The following CCN4 variants were observed in gnomAD, a reference collection of about 807,000 sequenced individuals.
CCN4 encodes the protein CCN family member 4.
In CCN4, 30 loss-of-function variants were observed where a neutral mutation model predicts 36.7. The ratio of observed to expected loss-of-function variants is 0.82; its 90% confidence interval spans 0.61 to 1.11. The LOEUF is 1.11. Among genes scored for constraint, CCN4 ranks in the 50% least tolerant of loss-of-function variants. CCN4 has a pLI of 0.00. For synonymous variants in CCN4, 191 were observed against 195.4 expected (o/e 0.98, Z 0.19); for missense variants, 505 against 504.9 (o/e 1.00, Z 0.00).
chr8:133,193,487 C>T (rs974413917), intron 1 of CCN4, among the ~76,000 whole-genome samples: 40 of 152,152 alleles, frequency 2.6e-4, no homozygotes, highest in African/African-American at 9.4e-4. Context: ...GCAAATATGA[C>T]TTATGCTTTC....
In CCN4 at chr8:133,196,464, G is replaced by A. The variant is rs574232849; in HGVS notation, c.69+5251G>A. 3.9e-5 allele frequency among the ~76,000 whole-genome samples: 6 copies of A among 152,192 alleles called. 1 individual carries two copies. The South Asian group carries it at 6.2e-4, about 16-fold the overall frequency. On this transcript the variant is annotated intron_variant, in intron 1 of 4. Coordinates refer to ENST00000250160, the MANE Select transcript of CCN4 (RefSeq NM_003882.4). The stretch of plus-strand genomic sequence containing the variant: ...TATTCCACTAAACTTCATCTGTTTC[G>A]TATTACTTTTTAATACCGCTACTAG...
chr8:133,207,648 C>T lies in CCN4; in HGVS notation c.70-5216C>T, dbSNP rs139393050. 1.3e-3 allele frequency among the ~76,000 whole-genome samples: 200 copies of T among 152,302 alleles called. 1 individual carries two copies. The highest frequency in any genetic ancestry group is 4.7e-3 in the African/African-American group (196 of 41,556). ...CACTGCTCAGGGGAACATTAGCAGA[C>T]CTGCCTTGTGATTTGTTAGGGGATT... is the stretch of plus-strand genomic sequence containing the variant. On this transcript the variant is annotated intron_variant, in intron 1 of 4. Coordinates refer to ENST00000250160, the MANE Select transcript of CCN4 (RefSeq NM_003882.4).
At chr8:133,221,994 A>G (rs1588204174) in intron 3 of CCN4, among the ~76,000 whole-genome samples, 1 of 151,916 alleles carries the variant, frequency 6.6e-6, no homozygotes. Flanking sequence ...GAATGGATGG[A>G]TGGATGGATG....
chr8:133,194,760 GCC>G (rs1420947914), intron 1 of CCN4, among the ~76,000 whole-genome samples: 93 of 118,398 alleles, frequency 7.9e-4, no homozygotes, highest in Middle Eastern at 5.6e-3. Context: ...TGGGGTATGT[GCC>G]TGGGGTGTGT....
intron 1 of CCN4, among the ~76,000 whole-genome samples, chr8:133,203,215 C>A (rs751211640): frequency 6.6e-6 from 1 of 152,206 alleles, no homozygotes; most frequent in Non-Finnish European, 1.5e-5. Context: ...GGCAACCCGT[C>A]CCTGAGAATC....
chr8:133,218,876 G>T (rs1854420128), intron 2 of CCN4, among the ~76,000 whole-genome samples: 1 of 152,142 alleles, frequency 6.6e-6, no homozygotes, highest in Non-Finnish European at 1.5e-5. Context: ...GAACACTTGA[G>T]TCCACCCAAC....
chr8:133,227,486 C>T lies in CCN4; in HGVS notation c.880C>T (p.Arg294Cys), dbSNP rs758932829. The T allele has an allele frequency of 5.0e-5, 80 of 1,614,096 alleles. No individual in the cohort carries two copies. In the Admixed American group the frequency reaches 7.0e-4, roughly 14 times the overall value. ...CACACTTGCGGGCTGCATCAGCACA[C>T]GCTCCTATCAACCCAAGTACTGTGG... ...NFTLAGCIST[R>C]SYQPKYCGVC... Residue 294 changes from arginine (R) to cysteine (C), a missense_variant, in exon 5 of 5, where the codon CGC becomes TGC. Transcript: ENST00000250160.
At position 133,230,160 on chromosome 8, in the gene CCN4, T is replaced by C. The variant is rs142427022; in HGVS notation, c.*2450T>C. ...GGTGGTCAGAATAACCCAGTCGCCA[T>C]TGGTTTTGAGAAACGGAACTATCTT... On this transcript the variant is annotated 3_prime_UTR_variant, in exon 5 of 5. Coordinates refer to ENST00000250160, the MANE Select transcript of CCN4 (RefSeq NM_003882.4). The C allele has an allele frequency of 6.9e-4, 105 of 152,372 alleles. No homozygotes were observed. The highest frequency in any genetic ancestry group is 2.2e-3 in the African/African-American group (93 of 41,596). 9.4% of individuals were successfully genotyped at this position (152,372 alleles called of 1,614,324 possible).
chr8:133,191,983 G>A (rs1179847260), intron 1 of CCN4, among the ~76,000 whole-genome samples: 5 of 152,180 alleles, frequency 3.3e-5, no homozygotes, highest in Admixed American at 6.5e-5. Context: ...ATATGTGACC[G>A]TGTAGAGCCA....
intron 1 of CCN4, among the ~76,000 whole-genome samples, chr8:133,211,813 TC>T (rs1854049539): frequency 6.6e-6 from 1 of 152,162 alleles, no homozygotes; most frequent in Non-Finnish European, 1.5e-5. Context: ...CTGGCTCCCG[TC>T]CCCGCTCCTG....
intron 2 of CCN4, among the ~76,000 whole-genome samples, chr8:133,220,253 A>G (rs1396270658): frequency 6.6e-6 from 1 of 152,146 alleles, no homozygotes; most frequent in Non-Finnish European, 1.5e-5. Flanking sequence ...GGTCTTTGTC[A>G]GTACCAGGCT....
At position 133,220,628 on chromosome 8, in the gene CCN4, G is replaced by A. The variant is rs758568832; in HGVS notation, c.397G>A (p.Gly133Ser). 4.3e-6 allele frequency: 7 copies of A among 1,614,072 alleles called. No individual in the cohort carries two copies. The African/African-American group carries it at 6.7e-5, about 15-fold the overall frequency. Reference protein sequence around the residue: ...CVLDGVRYNNGQSFQPNCKYN... With the variant: ...CVLDGVRYNNSQSFQPNCKYN... ...CCTGGATGGGGTGCGCTACAACAAC[G>A]GCCAGTCCTTCCAGCCTAACTGCAA... The change falls in exon 3 of 5, where the codon GGC becomes AGC. Residue 133 changes from glycine to serine, a missense_variant. Physicochemically the swap from Gly to Ser is moderately conservative, Grantham distance 56. Transcript: ENST00000250160.
intron 1 of CCN4, among the ~76,000 whole-genome samples, chr8:133,212,264 G>T (rs1854073982): frequency 6.6e-6 from 1 of 152,216 alleles, no homozygotes; most frequent in Non-Finnish European, 1.5e-5. Context: ...TGGGGCCCAT[G>T]TAGCTGCCAG....
At chr8:133,208,696 A>G (rs934514007) in intron 1 of CCN4, among the ~76,000 whole-genome samples, 6 of 151,506 alleles carry the variant, frequency 4.0e-5, no homozygotes, top group African/African-American at 1.2e-4. Context: ...CTGCTTCCTC[A>G]CTGATCTATT....
At chr8:133,223,574 G>A (rs1416271299) in intron 3 of CCN4, among the ~76,000 whole-genome samples, 7 of 151,160 alleles carry the variant, frequency 4.6e-5, no homozygotes, top group African/African-American at 7.3e-5. Context: ...TTATCTTTTT[G>A]CCTCTCTTTC....
Position 133,213,130 on chromosome 8 carries a change from A to C in CCN4, c.336A>C (p.Ile112=). 1 of 1,589,906 alleles carries C rather than the reference A, an allele frequency of 6.3e-7. No individual in the cohort carries two copies. Among genetic ancestry groups the C allele is most frequent in the Non-Finnish European group, 8.5e-7 (1 of 1,169,998 alleles). ...GCGGGGACCGCCCGAGGTACGCAATAGGAGTGTGTGCACGTAAGTGAGTCC... is the reference window on the plus strand; with the variant it reads ...GCGGGGACCGCCCGAGGTACGCAATCGGAGTGTGTGCACGTAAGTGAGTCC... The part of the protein sequence containing the change: ...DYSGDRPRYA[I]GVCAQVVGVG... The change falls in exon 2 of 5, where the codon ATA becomes ATC. Residue 112 remains isoleucine (I), a synonymous_variant. Coordinates refer to ENST00000250160, the MANE Select transcript of CCN4 (RefSeq NM_003882.4).
intron 3 of CCN4, among the ~76,000 whole-genome samples, chr8:133,224,561 G>T (rs1368203307): frequency 1.3e-5 from 2 of 152,088 alleles, no homozygotes; most frequent in Non-Finnish European, 2.9e-5. Context: ...AAAATGTTAG[G>T]TGCTGGCATG....
chr8:133,201,422 A>G (rs1442322809), intron 1 of CCN4, among the ~76,000 whole-genome samples: 2 of 152,218 alleles, frequency 1.3e-5, no homozygotes, highest in African/African-American at 4.8e-5. Flanking sequence ...AATTGTAACT[A>G]ATTTATTGGT....
intron 1 of CCN4, among the ~76,000 whole-genome samples, chr8:133,205,020 G>A (rs1853718630): frequency 6.6e-6 from 1 of 152,236 alleles, no homozygotes; most frequent in Non-Finnish European, 1.5e-5. Flanking sequence ...GTACTTTGCA[G>A]TAAAGTTTGG....
Sources: allele counts gnomAD v4.1 joint callset (sites outside exome capture counted in the v4.1 genomes callset), GRCh38; gene constraint gnomAD v4.1.1; transcripts MANE v1.5; gene names NCBI Gene and HGNC (gene_info 2026-07-23, HGNC 2026-07-21).